The following EZH1 variants were observed in gnomAD, a reference collection of about 807,000 sequenced individuals.
EZH1 encodes the protein enhancer of zeste 1 polycomb repressive complex 2 subunit.
EZH1 carries 33 observed loss-of-function variants against 100.5 expected under a neutral mutation model. That is an observed-to-expected ratio of 0.33 (90% CI 0.25 to 0.44). EZH1 has a LOEUF of 0.44. EZH1 is among the 20% of genes least tolerant of loss of function. The pLI is 1.00. For missense variants in EZH1, 475 were observed against 928.4 expected, an observed-to-expected ratio of 0.51 and a Z score of 6.35; for synonymous variants, 272 against 313.8, an observed-to-expected ratio of 0.87 and a Z score of 1.41.
At chr17:42,741,031 TTTC>T (rs1468307893) in intron 1 of EZH1, among the ~76,000 whole-genome samples, 1 of 152,216 alleles carries the variant, frequency 6.6e-6, no homozygotes, top group African/African-American at 2.4e-5. Flanking sequence ...AAGCACAATT[TTTC>T]TTTTTTTAAC....
chr17:42,721,601 CT>C (rs778894987), intron 6 of EZH1, among the ~76,000 whole-genome samples: 1 of 151,958 alleles, frequency 6.6e-6, no homozygotes. Context: ...GTCCCAACTC[CT>C]TTTAAAATTT....
chr17:42,724,533 C>T (rs2053779709), intron 4 of EZH1, 109 bp from the exon 5 acceptor site: 1 of 1,381,476 alleles, frequency 7.2e-7, no homozygotes, highest in East Asian at 2.6e-5. Context: ...GCCAGTAATC[C>T]CAGCACTTTG....
chr17:42,718,701 C>G lies in EZH1; in HGVS notation c.768-84G>C. The G allele has an allele frequency of 6.9e-7, 1 of 1,449,564 alleles. No homozygotes were observed. Among genetic ancestry groups the G allele is most frequent in the Middle Eastern group, 1.8e-4 (1 of 5,602 alleles). 89.8% of individuals were successfully genotyped at this position (1,449,564 alleles called of 1,614,324 possible). A position where few individuals can be genotyped will look rare whatever the true frequency, so the allele number is the denominator to read the frequency against. On this transcript the variant is annotated intron_variant, in intron 8 of 20. Coordinates refer to ENST00000428826, the MANE Select transcript of EZH1 (RefSeq NM_001991.5). The surrounding 1 kb of genome is among the most constrained non-coding windows in gnomAD (Gnocchi z 4.2). ...CAGATTGGGTACTGACAGTAGCTCA[C>G]CTACGGTCTGCCAAGGGAGGATGGG...
At chr17:42,734,201 G>A (rs985352546) in intron 1 of EZH1, among the ~76,000 whole-genome samples, 6 of 151,410 alleles carry the variant, frequency 4.0e-5, no homozygotes, top group African/African-American at 7.3e-5. Context: ...CACCATGCCC[G>A]GCCAATTTTT....
At chr17:42,740,087 G>A (rs192244871) in intron 1 of EZH1, among the ~76,000 whole-genome samples, 123 of 152,020 alleles carry the variant, frequency 8.1e-4, no homozygotes, top group African/African-American at 2.9e-3. Flanking sequence ...TTTTGAGAAA[G>A]GGTCCCACTC....
chr17:42,702,846 C>T (rs2053272041), intron 20 of EZH1, 31 bp downstream of exon 20: 6 of 1,608,514 alleles, frequency 3.7e-6, no homozygotes, highest in Non-Finnish European at 4.3e-6. Flanking sequence ...ATTCCTGGGC[C>T]ACATCCCAAG....
At chr17:42,721,785 G>A (rs1274253930) in intron 6 of EZH1, among the ~76,000 whole-genome samples, 2 of 152,082 alleles carry the variant, frequency 1.3e-5, no homozygotes, top group African/African-American at 4.8e-5. Flanking sequence ...CAACGTGGGA[G>A]GATTGCTTGA....
chr17:42,723,815 G>A (rs1389466713), intron 5 of EZH1, among the ~76,000 whole-genome samples: 1 of 152,186 alleles, frequency 6.6e-6, no homozygotes, highest in African/African-American at 2.4e-5. Flanking sequence ...ATTTAGAGAG[G>A]AATGATTATC....
chr17:42,712,887 A>T lies in EZH1; in HGVS notation c.1204+322T>A, dbSNP rs540561060. Among the ~76,000 whole-genome samples the T allele has an allele frequency of 1.6e-4, 25 of 152,158 alleles. No individual in the cohort carries two copies. The East Asian group carries it at 4.8e-3, about 29-fold the overall frequency. ...ACCCCGTCTCTACTAAAAATATAAA[A>T]ATTAGCCGGGCGTGGTGGCAGGCAC... On this transcript the variant is annotated intron_variant, in intron 11 of 20. Coordinates refer to ENST00000428826, the MANE Select transcript of EZH1 (RefSeq NM_001991.5).
intron 3 of EZH1, 104 bp downstream of exon 3, chr17:42,728,721 G>A: frequency 1.7e-6 from 2 of 1,211,546 alleles, no homozygotes; most frequent in South Asian, 3.1e-5. Context: ...CAACCTGGGT[G>A]ACAGAGTGAG....
rs191470542 is a variant in EZH1, at chr17:42,733,455, C to T, written c.-102-2537G>A. Among the ~76,000 whole-genome samples the T allele has an allele frequency of 7.6e-4, 116 of 151,636 alleles. No homozygotes were observed. The Middle Eastern group carries it at 0.014, about 18-fold the overall frequency. ...AGGAGATCGAGACCATCCTGGCTAA[C>T]ATGGTGAAACCCCGTCTCTTCTAAA... is the stretch of plus-strand genomic sequence containing the variant. On this transcript the variant is annotated intron_variant, in intron 1 of 20. Coordinates refer to ENST00000428826, the MANE Select transcript of EZH1 (RefSeq NM_001991.5).
intron 1 of EZH1, among the ~76,000 whole-genome samples, chr17:42,734,151 G>A (rs1010065659): frequency 1.3e-5 from 2 of 151,000 alleles, no homozygotes; most frequent in African/African-American, 2.4e-5. Context: ...AAGTTCAAGC[G>A]ATCCTTGTGC....
chr17:42,732,252 C>CAGGA (rs2053964738), intron 1 of EZH1, among the ~76,000 whole-genome samples: 2 of 152,138 alleles, frequency 1.3e-5, no homozygotes, highest in South Asian at 4.2e-4. Flanking sequence ...GCTAAGAGGC[C>CAGGA]AGGAGTTTGA....
At chr17:42,716,969 A>G (rs1909686386) in intron 10 of EZH1, among the ~76,000 whole-genome samples, 1 of 152,082 alleles carries the variant, frequency 6.6e-6, no homozygotes, top group South Asian at 2.1e-4. Context: ...AAGTGCTGGG[A>G]TTATAGGTGT....
In EZH1 at chr17:42,703,929, G is replaced by A. The variant is rs1567982428; in HGVS notation, c.2018-109C>T. ...GTAACAGAAACACTTTAGTCTGATG[G>A]GAATGTTGAAGCCCAGTGTGCTAAC... On this transcript the variant is annotated intron_variant, in intron 18 of 20. Coordinates refer to ENST00000428826, the MANE Select transcript of EZH1 (RefSeq NM_001991.5). 10 of 824,674 alleles carry A rather than the reference G, an allele frequency of 1.2e-5. No homozygotes were observed. The South Asian group carries it at 1.3e-4, about 11-fold the overall frequency. The allele number at this position is 824,674 out of a possible 1,614,324, so 51.1% of individuals were successfully genotyped here. A position where few individuals can be genotyped will look rare whatever the true frequency, so the allele number is the denominator to read the frequency against.
chr17:42,729,270 G>A (rs2053888520), intron 2 of EZH1: 1 of 234,512 alleles, frequency 4.3e-6, no homozygotes. Flanking sequence ...AGCCAGATGT[G>A]TTGGCCAGTG....
intron 1 of EZH1, among the ~76,000 whole-genome samples, chr17:42,735,042 C>T (rs558191561): frequency 2.5e-4 from 12 of 48,966 alleles, no homozygotes; most frequent in African/African-American, 9.0e-4. Context: ...GGAAGGAGGG[C>T]GGGAGGGAGG....
In EZH1 at chr17:42,702,286, G is replaced by A. The variant is rs1434299721; in HGVS notation, c.*246C>T. On this transcript the variant is annotated 3_prime_UTR_variant, in exon 21 of 21. Transcript: ENST00000428826. The stretch of plus-strand genomic sequence containing the variant: ...CCTGTGCTCGCTTCTTCTGAGGCCA[G>A]AGAAACAGTCTCCCATTTCTGTAAC... The A allele has an allele frequency of 2.3e-6, 1 of 428,652 alleles. No homozygotes were observed. Among genetic ancestry groups the A allele is most frequent in the Non-Finnish European group, 4.2e-6 (1 of 239,976 alleles). 26.6% of individuals were successfully genotyped at this position (428,652 alleles called of 1,614,324 possible).
chr17:42,726,837 TTTTA>T (rs563578113), intron 4 of EZH1, among the ~76,000 whole-genome samples: 2 of 150,590 alleles, frequency 1.3e-5, no homozygotes, highest in East Asian at 2.0e-4. Context: ...TAGAAAATTC[TTTTA>T]TTTATTTATT....
Sources: gnomAD v4.1 joint callset for allele counts (sites outside exome capture counted in the v4.1 genomes callset) on GRCh38, gnomAD v4.1.1 for gene constraint, Gnocchi (gnomAD v3.1) non-coding constraint, MANE v1.5 for transcripts, NCBI Gene and HGNC (gene_info 2026-07-23, HGNC 2026-07-21) for gene names.